The following MIB2 variants were observed in gnomAD, a reference collection of about 807,000 sequenced individuals.
MIB2 encodes E3 ubiquitin-protein ligase MIB2.
A neutral mutation model predicts 96.6 loss-of-function variants in MIB2; 78 were observed. That is an observed-to-expected ratio of 0.81 (90% CI 0.67 to 0.97). The LOEUF (loss-of-function observed/expected upper bound fraction) is 0.97, where lower values mean the gene tolerates loss of function less well. Ranked by LOEUF, MIB2 falls within the 50% of genes least tolerant of loss-of-function variation. The pLI is 0.00. For synonymous variants in MIB2, 820 were observed against 629.5 expected, an observed-to-expected ratio of 1.30 and a Z score of -4.53; for missense variants, 1,543 against 1,424.0, an observed-to-expected ratio of 1.08 and a Z score of -1.35.
rs1348514571 is a variant in MIB2, at chr1:1,623,931, C to T, written c.405C>T (p.Thr135=). 30 of 1,607,276 alleles carry T rather than the reference C, an allele frequency of 1.9e-5. No individual in the cohort carries two copies. Among genetic ancestry groups the T allele is most frequent in the African/African-American group, 1.3e-4 (10 of 74,822 alleles). Residue 135 remains threonine (T), a synonymous_variant, in exon 4 of 20, where the codon ACC becomes ACT. Coordinates refer to ENST00000355826, the MANE Select transcript of MIB2 (RefSeq NM_001170687.4). ...ELAHAFDRYE[T]AHSRPVTLSP... The stretch of plus-strand genomic sequence containing the variant: ...CCCACGCCTTCGACCGCTACGAGAC[C>T]GCTCACTCGCGCCCGTGAGTCCCGG...
chr1:1,616,481 C>T, intron 1 of MIB2, 27 bp from the exon 2 acceptor site: 5 of 1,488,800 alleles, frequency 3.4e-6, no homozygotes, highest in Non-Finnish European at 3.6e-6. Context: ...GCTAACTGTG[C>T]ATCTTGGCAT....
chr1:1,623,131 G>A (rs901555072), intron 2 of MIB2: 1 of 503,636 alleles, frequency 2.0e-6, no homozygotes, highest in Non-Finnish European at 3.5e-6. Flanking sequence ...TCTTCCGAGA[G>A]CGTTATTTGT....
intron 2 of MIB2, 90 bp from the exon 3 acceptor site, chr1:1,623,341 C>T: frequency 6.5e-7 from 1 of 1,527,548 alleles, no homozygotes; most frequent in East Asian, 2.5e-5. Flanking sequence ...GGAGCCCACT[C>T]TGACCGGGAG....
rs1643534155 is a variant in MIB2 at position 1,615,622 on chromosome 1, T to G, written c.-141T>G. ...GTCACTGGCGCGATGCGGGCCGTCC[T>G]CTCGGCTGATGGTGCGTGCGGGCGC... On this transcript the variant is annotated 5_prime_UTR_variant, in exon 1 of 20. Coordinates refer to ENST00000355826, the MANE Select transcript of MIB2 (RefSeq NM_001170687.4). The G allele has an allele frequency of 6.4e-7, 1 of 1,572,296 alleles. No homozygotes were observed. The highest frequency in any genetic ancestry group is 1.2e-5 in the South Asian group (1 of 85,718).
intron 2 of MIB2, among the ~76,000 whole-genome samples, chr1:1,622,891 G>A (rs140823470): frequency 7.4e-4 from 112 of 152,278 alleles, no homozygotes; most frequent in Non-Finnish European, 1.4e-3. Context: ...CTTGTACGGC[G>A]CCTGCATCGT....
intron 19 of MIB2, among the ~76,000 whole-genome samples, chr1:1,630,082 A>G (rs1638539210): frequency 1.0e-5 from 1 of 96,332 alleles, no homozygotes; most frequent in Admixed American, 1.3e-4. Flanking sequence ...TCCAGCCCGC[A>G]CACCACCTTA....
chr1:1,629,180 G>A lies in MIB2; in HGVS notation c.2250G>A (p.Ala750=), dbSNP rs765388187. 4 of 1,507,714 alleles carry A rather than the reference G, an allele frequency of 2.7e-6. No homozygotes were observed. Among genetic ancestry groups the A allele is most frequent in the Non-Finnish European group, 3.5e-6 (4 of 1,136,260 alleles). The allele number at this position is 1,507,714 out of a possible 1,614,324, so 93.4% of individuals were successfully genotyped here. ...LPGSAELTVG[A]AVACFLALEG... The stretch of plus-strand genomic sequence containing the variant: ...GCAGCGCGGAGCTGACGGTGGGCGC[G>A]GCGGTCGCCTGCTTCCTGGCGCTGG... Residue 750 remains alanine (A), a synonymous_variant, in exon 17 of 20, where the codon GCG becomes GCA. Transcript: ENST00000355826.
At position 1,626,596 on chromosome 1, in the gene MIB2, C is replaced by A; in HGVS notation, c.973-54C>A. 7.0e-7 allele frequency: 1 copy of A among 1,428,882 alleles called. No homozygotes were observed. The highest frequency in any genetic ancestry group is 9.3e-7 in the Non-Finnish European group (1 of 1,072,292). 88.5% of individuals were successfully genotyped at this position (1,428,882 alleles called of 1,614,324 possible). A position where few individuals can be genotyped will look rare whatever the true frequency, so the allele number is the denominator to read the frequency against. On this transcript the variant is annotated intron_variant, in intron 8 of 19. Transcript: ENST00000355826. This position sits in a 1 kb window ranked among gnomAD's most constrained non-coding sequence, Gnocchi z 5.3. ...GCAGGTTGCCCTCCTGTTGCATGAG[C>A]CTGGGCAGCCACACACAGCTGGGGG...
At position 1,625,619 on chromosome 1, in the gene MIB2, C is replaced by T. The variant is rs774346758; in HGVS notation, c.938C>T (p.Thr313Met). 16 of 1,571,974 alleles carry T rather than the reference C, an allele frequency of 1.0e-5. No homozygotes were observed. The highest frequency in any genetic ancestry group is 4.7e-5 in the East Asian group (2 of 42,496). ...GDVRVQFNHETRWTFHPGALT... is the reference protein window; with the variant it reads ...GDVRVQFNHEMRWTFHPGALT... Reference sequence around the variant, plus strand: ...GTGCGCGTGCAGTTCAACCACGAGACGCGCTGGACCTTCCACCCCGGGGCG... The same window carrying T: ...GTGCGCGTGCAGTTCAACCACGAGATGCGCTGGACCTTCCACCCCGGGGCG... The change falls in exon 8 of 20, where the codon ACG (threonine) becomes ATG (methionine). Residue 313 changes from threonine (T) to methionine (M), a missense_variant. Physicochemically the swap from Thr to Met is moderately conservative, Grantham distance 81. Transcript: ENST00000355826. The surrounding 1 kb of genome is among the most constrained non-coding windows in gnomAD (Gnocchi z 5.0).
intron 2 of MIB2, among the ~76,000 whole-genome samples, chr1:1,620,284 A>G (rs1644134400): frequency 6.6e-6 from 1 of 151,802 alleles, no homozygotes; most frequent in African/African-American, 2.4e-5. Flanking sequence ...GAAGGATCAC[A>G]GTGTGGGCTC....
At chr1:1,615,436 C>T (rs1643496513), upstream of MIB2, 2 of 1,502,010 alleles carry the variant, frequency 1.3e-6, no homozygotes, top group South Asian at 1.3e-5. Flanking sequence ...TTGCCCTGCC[C>T]ATCCCCGTGG....
At chr1:1,618,756 T>A (rs1569610406) in intron 2 of MIB2, 1 of 152,314 alleles carries the variant, frequency 6.6e-6, no homozygotes, top group Non-Finnish European at 1.5e-5. Flanking sequence ...ACAATGGGAA[T>A]GGGGCAGGCC....
chr1:1,619,073 A>G (rs775562318), intron 2 of MIB2: 1 of 152,488 alleles, frequency 6.6e-6, no homozygotes, highest in Non-Finnish European at 1.5e-5. Flanking sequence ...AAGGCGGCAG[A>G]GCCTCAAAAG....
intron 13 of MIB2, 54 bp from the exon 14 acceptor site, chr1:1,627,965 C>T (rs1557610403): frequency 3.1e-6 from 5 of 1,608,488 alleles, no homozygotes; most frequent in East Asian, 2.2e-5. Context: ...GGTGCCCTGG[C>T]TCTTGACCCA....
Position 1,630,535 on chromosome 1 carries a change from C to T in MIB2, c.*5C>T. 1 of 1,555,536 alleles carries T rather than the reference C, an allele frequency of 6.4e-7. No homozygotes were observed. Among genetic ancestry groups the T allele is most frequent in the Middle Eastern group, 1.7e-4 (1 of 5,904 alleles). ...CGCATCCAGATCTTCGTGTGAGCCG[C>T]GCCGTCCGCCGCGCCCGAGCTGCCT... is the stretch of plus-strand genomic sequence containing the variant. On this transcript the variant is annotated 3_prime_UTR_variant, in exon 20 of 20. Coordinates refer to ENST00000355826, the MANE Select transcript of MIB2 (RefSeq NM_001170687.4).
In MIB2 at chr1:1,626,298, T is replaced by C. The variant is rs911753066; in HGVS notation, c.973-352T>C. The C allele has an allele frequency of 2.8e-6, 1 of 351,170 alleles. No individual in the cohort carries two copies. Among genetic ancestry groups the C allele is most frequent in the Non-Finnish European group, 5.2e-6 (1 of 191,910 alleles). 21.8% of individuals were successfully genotyped at this position (351,170 alleles called of 1,614,324 possible). On this transcript the variant is annotated intron_variant, in intron 8 of 19. Transcript: ENST00000355826. This position sits in a 1 kb window ranked among gnomAD's most constrained non-coding sequence, Gnocchi z 5.3. ...AGTGGGCCCGTCCTGCACCCCATGG[T>C]CCTGGGGCCCCACCCCCACGCTGGC...
At position 1,630,262 on chromosome 1, in the gene MIB2, C is replaced by G. The variant is rs779026344; in HGVS notation, c.2630-30C>G. On this transcript the variant is annotated intron_variant, in intron 19 of 19. Transcript: ENST00000355826. ...CTCCCCGCATTCCCCCACCCGGCCT[C>G]CCAGCTCACACCCGTCCCCCACCCC... 6.8e-6 allele frequency: 8 copies of G among 1,170,910 alleles called. No homozygotes were observed. The South Asian group carries it at 1.2e-4, about 18-fold the overall frequency. The allele number at this position is 1,170,910 out of a possible 1,614,324, so 72.5% of individuals were successfully genotyped here.
At chr1:1,615,462 G>A, upstream of MIB2, 2 of 1,516,454 alleles carry the variant, frequency 1.3e-6, no homozygotes, top group South Asian at 1.2e-5. Context: ...GCGTGGCCAT[G>A]GCGGGGGCGC....
intron 16 of MIB2, 155 bp from the exon 17 acceptor site, chr1:1,628,978 C>G: frequency 1.2e-6 from 1 of 846,452 alleles, no homozygotes. Context: ...AGCAGGGCGC[C>G]CCTCCTGCCT....
Sources: gnomAD v4.1 joint callset for allele counts (sites outside exome capture counted in the v4.1 genomes callset) on GRCh38, gnomAD v4.1.1 for gene constraint, Gnocchi (gnomAD v3.1) non-coding constraint, MANE v1.5 for transcripts, NCBI Gene and HGNC (gene_info 2026-07-23, HGNC 2026-07-21) for gene names.